The following MAGI2 variants were observed in gnomAD, a reference collection of about 807,000 sequenced individuals.
MAGI2 encodes membrane-associated guanylate kinase, WW and PDZ domain-containing protein 2.
Under a neutral mutation model 133.3 loss-of-function variants are expected in MAGI2, and 35 were observed. The observed-to-expected ratio is 0.26, with a 90% CI of 0.20 to 0.35. The LOEUF is 0.35. Among genes scored for constraint, MAGI2 ranks in the 10% least tolerant of loss-of-function variants. MAGI2 has a pLI of 1.00. For missense variants in MAGI2, 1,636 were observed against 1,863.4 expected (o/e 0.88, Z 2.25); for synonymous variants, 729 against 710.6 (o/e 1.03, Z -0.41).
intron 2 of MAGI2, among the ~76,000 whole-genome samples, chr7:78,893,526 T>C (rs1228746311): frequency 1.3e-5 from 2 of 152,060 alleles, no homozygotes. Context: ...GTGGCACATA[T>C]ACACCTTGGA....
intron 9 of MAGI2, among the ~76,000 whole-genome samples, chr7:78,282,818 G>A (rs1242929402): frequency 4.0e-5 from 6 of 151,724 alleles, no homozygotes; most frequent in Non-Finnish European, 8.8e-5. Flanking sequence ...GGGGTGGGAG[G>A]GTCACAATAT....
At chr7:78,120,415 A>T (rs972887544) in intron 20 of MAGI2, among the ~76,000 whole-genome samples, 1 of 152,150 alleles carries the variant, frequency 6.6e-6, no homozygotes, top group Admixed American at 6.5e-5. Flanking sequence ...AACAAAAACA[A>T]AAACACTTGA....
intron 6 of MAGI2, among the ~76,000 whole-genome samples, chr7:78,423,233 C>T (rs181676990): frequency 5.9e-5 from 9 of 152,200 alleles, no homozygotes; most frequent in South Asian, 2.1e-4. Flanking sequence ...ATGAGCCTCA[C>T]GAGATCTGAT....
chr7:78,109,408 G>T (rs1415544750), intron 20 of MAGI2, among the ~76,000 whole-genome samples: 1 of 149,008 alleles, frequency 6.7e-6, no homozygotes, highest in African/African-American at 2.5e-5. Context: ...CAAGGTGGGT[G>T]CATCACGAGG....
At chr7:79,338,230 G>T (rs899519100) in intron 1 of MAGI2, among the ~76,000 whole-genome samples, 1 of 152,144 alleles carries the variant, frequency 6.6e-6, no homozygotes, top group African/African-American at 2.4e-5. Context: ...ATAGAGTTTG[G>T]AGAAGCAGGG....
chr7:78,079,150 T>A, intron 20 of MAGI2, 65 bp from the exon 21 acceptor site: 3 of 1,500,394 alleles, frequency 2.0e-6, no homozygotes, highest in South Asian at 2.4e-5. Context: ...TGTCAACAGA[T>A]TAAAAAAAAA....
intron 1 of MAGI2, among the ~76,000 whole-genome samples, chr7:79,338,038 G>A (rs1437696557): frequency 4.6e-5 from 7 of 152,184 alleles, no homozygotes; most frequent in South Asian, 2.1e-4. Context: ...CTGCAGGTTT[G>A]GCATGCGGTA....
chr7:79,312,653 C>T (rs1316836474), intron 1 of MAGI2, among the ~76,000 whole-genome samples: 1 of 152,038 alleles, frequency 6.6e-6, no homozygotes, highest in Non-Finnish European at 1.5e-5. Context: ...ATACAAAGTA[C>T]CTAAATTTTT....
chr7:79,399,601 G>A (rs1845327447), intron 1 of MAGI2, among the ~76,000 whole-genome samples: 1 of 152,122 alleles, frequency 6.6e-6, no homozygotes, highest in African/African-American at 2.4e-5. Flanking sequence ...GCTTCTAGAA[G>A]AGAGCCTATC....
intron 20 of MAGI2, among the ~76,000 whole-genome samples, chr7:78,085,550 C>CACACACA (rs1554441619): frequency 0.038 from 4,565 of 120,988 alleles, 93 homozygotes; most frequent in East Asian, 0.051. Flanking sequence ...AATAAAACTC[C>CACACACA]CACACACACA....
chr7:79,346,680 T>G (rs756810197), intron 1 of MAGI2, among the ~76,000 whole-genome samples: 3 of 151,960 alleles, frequency 2.0e-5, no homozygotes, highest in Non-Finnish European at 4.4e-5. Flanking sequence ...TGCTGAACCC[T>G]CTATACTCCT....
chr7:79,234,049 T>C (rs2129554468), intron 1 of MAGI2, among the ~76,000 whole-genome samples: 1 of 142,392 alleles, frequency 7.0e-6, no homozygotes, highest in Non-Finnish European at 1.5e-5. Context: ...CTCCTTCGCT[T>C]ATGAAGCTTA....
chr7:79,102,790 C>A (rs1011001650), intron 1 of MAGI2, among the ~76,000 whole-genome samples: 2 of 152,106 alleles, frequency 1.3e-5, no homozygotes, highest in African/African-American at 4.8e-5. Context: ...TTTGATGTGT[C>A]GGCTTGGCTA....
At chr7:78,608,596 C>A (rs575877667) in intron 3 of MAGI2, among the ~76,000 whole-genome samples, 1 of 151,978 alleles carries the variant, frequency 6.6e-6, no homozygotes, top group African/African-American at 2.4e-5. Flanking sequence ...CATTATTATT[C>A]ATGCTGTTGT....
At chr7:78,449,241 A>G (rs149583939) in intron 6 of MAGI2, among the ~76,000 whole-genome samples, 76 of 152,050 alleles carry the variant, frequency 5.0e-4, no homozygotes, top group Non-Finnish European at 6.0e-4. Context: ...GTTAGAAGAG[A>G]GACTGTATGT....
intron 1 of MAGI2, among the ~76,000 whole-genome samples, chr7:79,052,869 G>C (rs1163024224): frequency 6.6e-6 from 1 of 152,074 alleles, no homozygotes; most frequent in Non-Finnish European, 1.5e-5. Context: ...CTTATAAAAA[G>C]TGTGTATGAA....
At chr7:78,324,128 C>T (rs1481371968) in intron 9 of MAGI2, among the ~76,000 whole-genome samples, 1 of 134,082 alleles carries the variant, frequency 7.5e-6, no homozygotes, top group African/African-American at 3.1e-5. Flanking sequence ...ATAATTGACA[C>T]ACTACACTAC....
At chr7:78,509,476 TGTA>T (rs1795385185) in intron 4 of MAGI2, 1 of 152,248 alleles carries the variant, frequency 6.6e-6, no homozygotes, top group Admixed American at 6.5e-5. Flanking sequence ...CTCAAAGATC[TGTA>T]CATAGTGCAG....
intron 2 of MAGI2, among the ~76,000 whole-genome samples, chr7:78,873,671 G>A (rs973733450): frequency 6.6e-6 from 1 of 152,034 alleles, no homozygotes; most frequent in Non-Finnish European, 1.5e-5. Flanking sequence ...AATGTAATGC[G>A]CTTGAATCAT....
Sources: allele counts gnomAD v4.1 joint callset (sites outside exome capture counted in the v4.1 genomes callset), GRCh38; gene constraint gnomAD v4.1.1; transcripts MANE v1.5; gene names NCBI Gene and HGNC (gene_info 2026-07-23, HGNC 2026-07-21).